ERBB3: variants seen among roughly 807,000 people sequenced by gnomAD.
ERBB3 encodes erb-b2 receptor tyrosine kinase 3, also known as receptor tyrosine-protein kinase erbB-3.
A neutral mutation model predicts 156.7 loss-of-function variants in ERBB3; 96 were observed. The observed-to-expected ratio is 0.61, with a 90% confidence interval of 0.52 to 0.73. The LOEUF is 0.73. ERBB3 is among the 30% of genes least tolerant of loss of function. The pLI, the probability that ERBB3 is intolerant of heterozygous loss-of-function variation, is 0.00. For synonymous variants in ERBB3, 567 were observed against 632.0 expected, an observed-to-expected ratio of 0.90 and a Z score of 1.54; for missense variants, 1,406 against 1,709.4, an observed-to-expected ratio of 0.82 and a Z score of 3.13.
In ERBB3 at chr12:56,095,818, G is replaced by C; in HGVS notation, c.2055+12G>C. 1 of 1,614,110 alleles carries C rather than the reference G, an allele frequency of 6.2e-7. No homozygotes were observed. The highest frequency in any genetic ancestry group is 1.1e-5 in the South Asian group (1 of 91,078). On this transcript the variant is annotated intron_variant, in intron 17 of 27. Coordinates refer to ENST00000267101, the MANE Select transcript of ERBB3 (RefSeq NM_001982.4). ...TGGAACGGGGTGAGGTGAGTACTTA[G>C]CTTACTTTTGTTTTTTCTTTTCTTT...
chr12:56,093,057 G>A lies in ERBB3; in HGVS notation c.1255G>A (p.Gly419Arg). ...FSVFSNLTTIGGRSLYNRGFS... is the reference protein window; with the variant it reads ...FSVFSNLTTIRGRSLYNRGFS... ...TGTTTTTTCCAATTTGACAACCATT[G>A]GAGGCAGAAGCCTCTACAAGTGAGT... Residue 419 changes from glycine (G) to arginine (R), a missense_variant, in exon 11 of 28, where the codon GGA becomes AGA. By Grantham distance (125) the Gly-to-Arg change is moderately radical. Coordinates refer to ENST00000267101, the MANE Select transcript of ERBB3 (RefSeq NM_001982.4). 1 of 1,613,634 alleles carries A rather than the reference G, an allele frequency of 6.2e-7. No homozygotes were observed. Among genetic ancestry groups the A allele is most frequent in the Non-Finnish European group, 8.5e-7 (1 of 1,179,566 alleles).
chr12:56,095,539 A>T, intron 16 of ERBB3, 126 bp from the exon 17 acceptor site: 1 of 1,204,984 alleles, frequency 8.3e-7, no homozygotes, highest in Non-Finnish European at 1.2e-6. Context: ...TTCAGTGCTT[A>T]AGGATATATA....
At chr12:56,085,596 A>T (rs1347779746) in intron 3 of ERBB3, 3 of 322,518 alleles carry the variant, frequency 9.3e-6, no homozygotes, top group African/African-American at 6.4e-5. Flanking sequence ...AATACAAAAA[A>T]ATAAAATAAA....
intron 9 of ERBB3, among the ~76,000 whole-genome samples, chr12:56,091,392 G>A (rs368003498): frequency 3.1e-5 from 1 of 31,874 alleles, no homozygotes; most frequent in Non-Finnish European, 5.6e-5. Context: ...TTATATATGT[G>A]TGTGTATATA....
chr12:56,094,154 C>A lies in ERBB3; in HGVS notation c.1669C>A (p.Gln557Lys). 6.2e-7 allele frequency: 1 copy of A among 1,614,104 alleles called. No homozygotes were observed. The highest frequency in any genetic ancestry group is 1.1e-5 in the South Asian group (1 of 91,080). ...ATGCTTCTCCTGCCACCCGGAATGC[C>A]AACCCATGGAGGGCACTGCCACATG... ...AECFSCHPECQPMEGTATCNG... is the reference protein window; with the variant it reads ...AECFSCHPECKPMEGTATCNG... Residue 557 changes from glutamine (Q) to lysine (K), a missense_variant, in exon 14 of 28, where the codon CAA becomes AAA. By Grantham distance (53) the Gln-to-Lys change is moderately conservative. Coordinates refer to ENST00000267101, the MANE Select transcript of ERBB3 (RefSeq NM_001982.4).
At chr12:56,096,893 A>C (rs763529509) in intron 19 of ERBB3, 47 bp downstream of exon 19, 1 of 1,462,452 alleles carries the variant, frequency 6.8e-7, no homozygotes, top group East Asian at 2.3e-5. Context: ...GGACAATATT[A>C]GATACAATCA....
chr12:56,099,584 C>A, intron 23 of ERBB3, 64 bp from the exon 24 acceptor site: 1 of 1,406,340 alleles, frequency 7.1e-7, no homozygotes, highest in Non-Finnish European at 1.0e-6. Context: ...TAGGTGTGAG[C>A]CACCGCGCCC....
chr12:56,090,608 C>T (rs1166966425), intron 9 of ERBB3, among the ~76,000 whole-genome samples: 2 of 152,148 alleles, frequency 1.3e-5, no homozygotes, highest in African/African-American at 4.8e-5. Context: ...CGCGGCACTG[C>T]ACTCCAGCCT....
rs4016497 is a variant in ERBB3 at position 56,102,806 on chromosome 12, T to TAAAAAAAAA, written c.*771_*779dup. The TAAAAAAAAA allele has an allele frequency of 2.0e-4, 11 of 56,122 alleles. No homozygotes were observed. Among genetic ancestry groups the TAAAAAAAAA allele is most frequent in the East Asian group, 5.4e-4 (2 of 3,714 alleles). 3.5% of individuals were successfully genotyped at this position (56,122 alleles called of 1,614,324 possible). Reference sequence around the variant, plus strand: ...CAACATAGTAAGACCCCCATCTCTTTAAAAAAAAAAAAAAAAAAAAAAAAA... The same window carrying TAAAAAAAAA: ...CAACATAGTAAGACCCCCATCTCTTTAAAAAAAAAAAAAAAAAAAAAAAAAAAAAAAAAA... On this transcript the variant is annotated 3_prime_UTR_variant, in exon 28 of 28. Coordinates refer to ENST00000267101, the MANE Select transcript of ERBB3 (RefSeq NM_001982.4).
At chr12:56,095,836 TTTTC>T in intron 17 of ERBB3, 30 bp downstream of exon 17, 1 of 1,613,700 alleles carries the variant, frequency 6.2e-7, no homozygotes, top group Non-Finnish European at 8.5e-7. Flanking sequence ...TTGTTTTTTC[TTTTC>T]TTTTTTTGCA....
chr12:56,089,034 C>T (rs1436286622), intron 9 of ERBB3, 166 bp downstream of exon 9: 2 of 850,806 alleles, frequency 2.4e-6, no homozygotes, highest in African/African-American at 3.3e-5. Flanking sequence ...TCCATCCAGG[C>T]CTTCGGTCCC....
At chr12:56,096,394 T>C (rs915552600) in intron 17 of ERBB3, 109 bp from the exon 18 acceptor site, 5 of 1,397,832 alleles carry the variant, frequency 3.6e-6, no homozygotes, top group Non-Finnish European at 5.0e-6. Flanking sequence ...GTGCTTCCTC[T>C]TCCTGCCCTT....
chr12:56,095,278 A>C lies in ERBB3; in HGVS notation c.1881A>C (p.Gln627His), dbSNP rs1208664961. 6.2e-7 allele frequency: 1 copy of C among 1,613,978 alleles called. No individual in the cohort carries two copies. Among genetic ancestry groups the C allele is most frequent in the African/African-American group, 1.3e-5 (1 of 75,064 alleles). The change falls in exon 16 of 28, where the codon CAA (glutamine) becomes CAC (histidine). Residue 627 changes from glutamine (Q) to histidine (H), a missense_variant. This residue lies in a region of ERBB3 where 979 missense variants were observed against 1,219.6 expected (regional missense o/e 0.80). Coordinates refer to ENST00000267101, the MANE Select transcript of ERBB3 (RefSeq NM_001982.4). ...CTAGGTGTAAAGGACCAGAGCTTCA[A>C]GACTGTTTAGGACAAACACTGGTGC... ...CTQGCKGPEL[Q>H]DCLGQTLVLI...
At chr12:56,086,464 G>T (rs1868490126) in intron 3 of ERBB3, 67 bp from the exon 4 acceptor site, 1 of 1,602,314 alleles carries the variant, frequency 6.2e-7, no homozygotes, top group Non-Finnish European at 8.5e-7. Context: ...CTTTTGGATG[G>T]GTGGAGAGGT....
At position 56,103,283 on chromosome 12, in the gene ERBB3, C is replaced by T; in HGVS notation, c.*1228C>T. The T allele has an allele frequency of 4.5e-6, 1 of 223,456 alleles. No homozygotes were observed. Among genetic ancestry groups the T allele is most frequent in the Non-Finnish European group, 9.0e-6 (1 of 111,652 alleles). 13.8% of individuals were successfully genotyped at this position (223,456 alleles called of 1,614,324 possible). A position where few individuals can be genotyped will look rare whatever the true frequency, so the allele number is the denominator to read the frequency against. ...CATGTGCCGTAAATGATCTTCACTC[C>T]TTATCCGAGGGCAAATTCACAAGGA... On this transcript the variant is annotated 3_prime_UTR_variant, in exon 28 of 28. Transcript: ENST00000267101.
At chr12:56,092,958 G>A (rs2136808503) in intron 10 of ERBB3, 28 bp from the exon 11 acceptor site, 1 of 1,590,928 alleles carries the variant, frequency 6.3e-7, no homozygotes, top group Admixed American at 1.7e-5. Context: ...AAGGCTCCCT[G>A]CCCATATGCC....
At chr12:56,092,943 A>G in intron 10 of ERBB3, 43 bp from the exon 11 acceptor site, 1 of 1,577,958 alleles carries the variant, frequency 6.3e-7, no homozygotes, top group South Asian at 1.1e-5. Flanking sequence ...AACCCAAGAA[A>G]GAAGAAGGCT....
At chr12:56,088,512 T>C (rs1203070417) in intron 7 of ERBB3, 31 bp from the exon 8 acceptor site, 10 of 1,487,346 alleles carry the variant, frequency 6.7e-6, no homozygotes, top group Non-Finnish European at 8.5e-6. Flanking sequence ...TCCTCCCTCA[T>C]CTCTAATGGT....
In ERBB3 at chr12:56,100,211, C is replaced by T. The variant is rs1293931372; in HGVS notation, c.3167C>T (p.Pro1056Leu). The T allele has an allele frequency of 6.2e-7, 1 of 1,614,072 alleles. No individual in the cohort carries two copies. The highest frequency in any genetic ancestry group is 1.3e-5 in the African/African-American group (1 of 75,026). ...TTAAGTCCATCATCTGGATACATGCCCATGAACCAGGGTAATCTTGGGGAG... is the reference window on the plus strand; with the variant it reads ...TTAAGTCCATCATCTGGATACATGCTCATGAACCAGGGTAATCTTGGGGAG... ...SLLSPSSGYM[P>L]MNQGNLGESC... Residue 1056 changes from proline to leucine, a missense_variant, in exon 26 of 28, where the codon CCC becomes CTC. Pro to Leu is a moderately conservative substitution (Grantham distance 98). This residue lies in a region of ERBB3 where 415 missense variants were observed against 454.1 expected (regional missense o/e 0.91). Coordinates refer to ENST00000267101, the MANE Select transcript of ERBB3 (RefSeq NM_001982.4).
Sources: allele counts gnomAD v4.1 joint callset (sites outside exome capture counted in the v4.1 genomes callset), GRCh38; gene constraint gnomAD v4.1.1; regional missense constraint gnomAD v4.1.1; transcripts MANE v1.5; gene names NCBI Gene and HGNC (gene_info 2026-07-23, HGNC 2026-07-21).